The following SCARA3 variants were observed in gnomAD, a reference collection of about 807,000 sequenced individuals.
SCARA3 encodes scavenger receptor class A member 3.
SCARA3 carries 39 observed loss-of-function variants against 47.0 expected under a neutral mutation model. The observed-to-expected ratio is 0.83, with a 90% CI of 0.64 to 1.08. The LOEUF (loss-of-function observed/expected upper bound fraction) is 1.08, where lower values mean the gene tolerates loss of function less well. Among genes scored for constraint, SCARA3 ranks in the 50% least tolerant of loss-of-function variants. The probability of loss-of-function intolerance (pLI) is 0.00; values close to 1 mark genes in which losing one functional copy is unlikely to be tolerated. For synonymous variants in SCARA3, 356 were observed against 334.1 expected (o/e 1.07, Z -0.71); for missense variants, 724 against 792.3 (o/e 0.91, Z 1.04).
At chr8:27,659,562 G>T (rs758921760) in intron 5 of SCARA3, 23 bp downstream of exon 5, 2 of 1,565,334 alleles carry the variant, frequency 1.3e-6, no homozygotes, top group Non-Finnish European at 1.7e-6. Flanking sequence ...TCCAGGTAGG[G>T]CTGCTACAAA....
the SCARA3 span, among the ~76,000 whole-genome samples, chr8:27,715,638 C>T: frequency 6.6e-6 from 1 of 151,530 alleles, no homozygotes; most frequent in African/African-American, 2.4e-5. This position sits in a 1 kb window ranked among gnomAD's most constrained non-coding sequence, Gnocchi z 4.2. Context: ...TAGATAGACA[C>T]ACACAGACAG....
chr8:27,649,946 C>T, intron 2 of SCARA3, 146 bp downstream of exon 2: 1 of 668,310 alleles, frequency 1.5e-6, no homozygotes. Context: ...GGTGAAAGGG[C>T]AGAGTTCACG....
chr8:27,657,323 CTT>C (rs1167548818), intron 4 of SCARA3, among the ~76,000 whole-genome samples: 1 of 150,818 alleles, frequency 6.6e-6, no homozygotes, highest in African/African-American at 2.4e-5. Flanking sequence ...ATAATTTTAA[CTT>C]TTGTTGTTAT....
At chr8:27,639,624 A>G (rs1801340527) in intron 1 of SCARA3, among the ~76,000 whole-genome samples, 1 of 152,008 alleles carries the variant, frequency 6.6e-6, no homozygotes, top group Admixed American at 6.6e-5. Context: ...CATTGGAGAG[A>G]CCTGGGAGGG....
the SCARA3 span, among the ~76,000 whole-genome samples, chr8:27,684,152 A>G: frequency 5.2e-4 from 79 of 152,338 alleles, no homozygotes; most frequent in Non-Finnish European, 8.8e-4. Context: ...ATTTGGTAAA[A>G]CATATCAAAC....
chr8:27,635,177 T>A (rs566656177), intron 1 of SCARA3, among the ~76,000 whole-genome samples: 1 of 151,802 alleles, frequency 6.6e-6, no homozygotes, highest in African/African-American at 2.4e-5. Context: ...GGTATGGAGG[T>A]GGAAGAGGTG....
chr8:27,719,816 C>T, the SCARA3 span, among the ~76,000 whole-genome samples: 3 of 152,108 alleles, frequency 2.0e-5, no homozygotes, highest in African/African-American at 7.2e-5. Context: ...AGACCCAATC[C>T]TCCTCACTTC....
chr8:27,723,204 C>G, the SCARA3 span, among the ~76,000 whole-genome samples: 2 of 152,194 alleles, frequency 1.3e-5, no homozygotes, highest in Non-Finnish European at 2.9e-5. Flanking sequence ...CTCAGCCCCT[C>G]TGATGCTGCC....
chr8:27,703,685 C>A, the SCARA3 span: 3 of 152,100 alleles, frequency 2.0e-5, no homozygotes, highest in Non-Finnish European at 4.4e-5. Context: ...ACCCAGGACT[C>A]CGGACCTGGA....
chr8:27,689,022 C>G, the SCARA3 span, among the ~76,000 whole-genome samples: 1 of 152,258 alleles, frequency 6.6e-6, no homozygotes, highest in Non-Finnish European at 1.5e-5. Context: ...CTCTCTGCAG[C>G]AGCCCCCAAG....
chr8:27,649,351 G>T (rs539999764), intron 1 of SCARA3, among the ~76,000 whole-genome samples: 1 of 152,324 alleles, frequency 6.6e-6, no homozygotes, highest in South Asian at 2.1e-4. Context: ...AAGTATTGGG[G>T]AATAGAAGGA....
At chr8:27,647,376 C>T (rs1055594615) in intron 1 of SCARA3, among the ~76,000 whole-genome samples, 1 of 152,180 alleles carries the variant, frequency 6.6e-6, no homozygotes, top group African/African-American at 2.4e-5. Context: ...TCCTAAACCC[C>T]AGGTCTCCTT....
At chr8:27,711,155 C>T in the SCARA3 span, among the ~76,000 whole-genome samples, 1 of 152,162 alleles carries the variant, frequency 6.6e-6, no homozygotes, top group Admixed American at 6.5e-5. Context: ...TTCCTGACCT[C>T]AGGTGATCTG....
chr8:27,731,909 TTC>T, the SCARA3 span, among the ~76,000 whole-genome samples: 65,832 of 151,844 alleles, frequency 0.43, 14,517 homozygotes, highest in East Asian at 0.63. Flanking sequence ...CCCGAATATT[TTC>T]TCTTTTTCAG....
rs1225084020 is a variant in SCARA3 at position 27,671,937 on chromosome 8, AG to A, written c.*587del. Reference sequence around the variant, plus strand: ...CTGTGACTGAGCCTGCCAGGGAGGCAGCTACCTCGGGAGGAAGGTCTCACAT... The same window carrying A: ...CTGTGACTGAGCCTGCCAGGGAGGCACTACCTCGGGAGGAAGGTCTCACAT... On this transcript the variant is annotated 3_prime_UTR_variant, in exon 6 of 6. Coordinates refer to ENST00000301904, the MANE Select transcript of SCARA3 (RefSeq NM_016240.3). 5.1e-6 allele frequency: 5 copies of A among 985,326 alleles called. No homozygotes were observed. The highest frequency in any genetic ancestry group is 6.0e-6 in the Non-Finnish European group (5 of 829,946). 61.0% of individuals were successfully genotyped at this position (985,326 alleles called of 1,614,324 possible). A position where few individuals can be genotyped will look rare whatever the true frequency, so the allele number is the denominator to read the frequency against.
chr8:27,691,726 A>G, the SCARA3 span, among the ~76,000 whole-genome samples: 4,276 of 152,130 alleles, frequency 0.028, 75 homozygotes, highest in Non-Finnish European at 0.038. Flanking sequence ...TGTGTGTCCT[A>G]TGATTCCCTC....
At chr8:27,727,601 C>T in the SCARA3 span, among the ~76,000 whole-genome samples, 352 of 152,280 alleles carry the variant, frequency 2.3e-3, 6 homozygotes, top group East Asian at 0.026. Context: ...AACTGGGCTC[C>T]GAGCCAGAGC....
At chr8:27,717,111 A>T in the SCARA3 span, among the ~76,000 whole-genome samples, 1,089 of 152,340 alleles carry the variant, frequency 7.1e-3, 4 homozygotes, top group Non-Finnish European at 0.012. Context: ...GAAAGAGACT[A>T]GAGAAATGGG....
At chr8:27,653,683 T>C (rs1362581643) in intron 3 of SCARA3, among the ~76,000 whole-genome samples, 1 of 151,438 alleles carries the variant, frequency 6.6e-6, no homozygotes, top group East Asian at 1.9e-4. Context: ...GTTGGGAAAA[T>C]CAGTCAGCAG....
Sources: allele counts gnomAD v4.1 joint callset (sites outside exome capture counted in the v4.1 genomes callset), GRCh38; gene constraint gnomAD v4.1.1; non-coding constraint Gnocchi (gnomAD v3.1); transcripts MANE v1.5; gene names NCBI Gene and HGNC (gene_info 2026-07-23, HGNC 2026-07-21).